GPC5: variants seen among roughly 807,000 people sequenced by gnomAD.
The protein encoded by GPC5 is glypican-5.
A neutral mutation model predicts 53.9 loss-of-function variants in GPC5; 47 were observed. That is an observed-to-expected ratio of 0.87 (90% CI 0.69 to 1.11). The LOEUF is 1.11. Ranked by LOEUF, GPC5 falls within the 50% of genes most tolerant of loss-of-function variation. The pLI is 0.00. For missense variants in GPC5, 748 were observed against 713.1 expected (o/e 1.05, Z -0.56); for synonymous variants, 286 against 263.3 (o/e 1.09, Z -0.84).
At chr13:92,473,617 G>A (rs1319934770) in intron 7 of GPC5, among the ~76,000 whole-genome samples, 3 of 152,158 alleles carry the variant, frequency 2.0e-5, no homozygotes, top group Non-Finnish European at 4.4e-5. Flanking sequence ...ATTTCAAACA[G>A]TATCTTAAAA....
chr13:92,757,326 C>T lies in GPC5; in HGVS notation c.1562-108956C>T, dbSNP rs895528578. ...CCTTCCTTACACCTTATACAAAAAT[C>T]AATTCAAGATGGATTAAAGACTTAA... On this transcript the variant is annotated intron_variant, in intron 7 of 7. Transcript: ENST00000377067. Among the ~76,000 whole-genome samples the T allele has an allele frequency of 1.1e-4, 17 of 152,156 alleles. No individual in the cohort carries two copies. The East Asian group carries it at 2.7e-3, about 24-fold the overall frequency.
At chr13:92,546,899 C>G (rs578237938) in intron 7 of GPC5, among the ~76,000 whole-genome samples, 15 of 152,068 alleles carry the variant, frequency 9.9e-5, no homozygotes, top group South Asian at 2.1e-4. Context: ...ACAAACCTGA[C>G]AAAAACAAGA....
At chr13:91,431,858 G>C (rs112831013) in intron 1 of GPC5, among the ~76,000 whole-genome samples, 2 of 152,172 alleles carry the variant, frequency 1.3e-5, no homozygotes, top group Non-Finnish European at 2.9e-5. Context: ...ATCGTTGAAG[G>C]TTTCTTTCCA....
At chr13:92,375,693 GA>G (rs1458396567) in intron 7 of GPC5, among the ~76,000 whole-genome samples, 1 of 152,180 alleles carries the variant, frequency 6.6e-6, no homozygotes, top group African/African-American at 2.4e-5. Context: ...GTCAAAAACG[GA>G]AGGCTTGGAC....
intron 5 of GPC5, among the ~76,000 whole-genome samples, chr13:91,853,349 T>C (rs984266140): frequency 6.6e-6 from 1 of 152,032 alleles, no homozygotes; most frequent in Non-Finnish European, 1.5e-5. Flanking sequence ...ATAGTTGATA[T>C]GGCAAATACA....
At chr13:91,691,561 C>G (rs2139799753) in intron 2 of GPC5, among the ~76,000 whole-genome samples, 1 of 152,244 alleles carries the variant, frequency 6.6e-6, no homozygotes, top group Admixed American at 6.5e-5. Flanking sequence ...TATACGTACT[C>G]TATTGAAACA....
At chr13:92,369,236 T>G (rs1055275179) in intron 7 of GPC5, among the ~76,000 whole-genome samples, 3 of 152,204 alleles carry the variant, frequency 2.0e-5, no homozygotes, top group African/African-American at 4.8e-5. Flanking sequence ...CAGGCTGGAG[T>G]GCAGTGGTGT....
At chr13:92,124,868 A>G (rs2041681937) in intron 6 of GPC5, among the ~76,000 whole-genome samples, 1 of 152,188 alleles carries the variant, frequency 6.6e-6, no homozygotes, top group Non-Finnish European at 1.5e-5. Context: ...CTTCTGACAC[A>G]GCTCTCATGT....
intron 7 of GPC5, among the ~76,000 whole-genome samples, chr13:92,244,971 G>A (rs1481365723): frequency 3.3e-5 from 5 of 151,258 alleles, no homozygotes; most frequent in Non-Finnish European, 7.4e-5. Flanking sequence ...CCGGGAGGTG[G>A]AGGTTGCAGT....
intron 7 of GPC5, among the ~76,000 whole-genome samples, chr13:92,793,727 A>C (rs748697891): frequency 2.6e-5 from 4 of 152,220 alleles, no homozygotes; most frequent in Non-Finnish European, 4.4e-5. Flanking sequence ...ACAGAAATAC[A>C]AACTACCATC....
chr13:91,526,918 C>A (rs1324413418), intron 2 of GPC5, among the ~76,000 whole-genome samples: 1 of 152,008 alleles, frequency 6.6e-6, no homozygotes, highest in Non-Finnish European at 1.5e-5. Context: ...CATGAGAATT[C>A]CCTCACTATC....
intron 4 of GPC5, among the ~76,000 whole-genome samples, chr13:91,751,955 G>A (rs1252220858): frequency 1.3e-5 from 2 of 152,168 alleles, no homozygotes; most frequent in Non-Finnish European, 2.9e-5. Context: ...AGACTGGGTG[G>A]CTTAAACAAC....
intron 2 of GPC5, among the ~76,000 whole-genome samples, chr13:91,492,365 T>C (rs767472416): frequency 3.3e-5 from 5 of 152,192 alleles, no homozygotes; most frequent in Non-Finnish European, 7.3e-5. Flanking sequence ...ATCTTCCTTC[T>C]GCAAGACGGA....
intron 6 of GPC5, among the ~76,000 whole-genome samples, chr13:92,063,938 G>A (rs561657776): frequency 1.3e-5 from 2 of 152,150 alleles, no homozygotes; most frequent in South Asian, 4.2e-4. Flanking sequence ...ATTTACAAGT[G>A]ACACTTTTGT....
intron 2 of GPC5, among the ~76,000 whole-genome samples, chr13:91,585,475 T>C (rs535692311): frequency 1.7e-4 from 26 of 152,320 alleles, no homozygotes; most frequent in Admixed American, 5.9e-4. Context: ...GAATGTACTG[T>C]AACTACTCTC....
intron 7 of GPC5, among the ~76,000 whole-genome samples, chr13:92,294,546 T>G (rs1419974013): frequency 6.6e-6 from 1 of 152,174 alleles, no homozygotes; most frequent in Non-Finnish European, 1.5e-5. Flanking sequence ...AGTTGTAATA[T>G]CTCCCATTTC....
chr13:92,588,102 T>C (rs1594326076), intron 7 of GPC5, among the ~76,000 whole-genome samples: 1 of 152,214 alleles, frequency 6.6e-6, no homozygotes, highest in East Asian at 1.9e-4. Flanking sequence ...CAGGCCCTGG[T>C]GTGTGATGTT....
chr13:92,709,110 C>T (rs985755410), intron 7 of GPC5, among the ~76,000 whole-genome samples: 9 of 151,126 alleles, frequency 6.0e-5, no homozygotes, highest in Non-Finnish European at 1.0e-4. Context: ...TGCAATGGCA[C>T]GATCTCAGCT....
Position 91,832,147 on chromosome 13 carries a change from A to G in GPC5, c.1280+75727A>G, listed in dbSNP as rs2038667579. On this transcript the variant is annotated intron_variant, in intron 5 of 7. Transcript: ENST00000377067. ...GCTTTTTGAATCTGGGTGCTCCTGT[A>G]TTGGGTGCATATATATTTAGGATAG... 2.0e-5 allele frequency among the ~76,000 whole-genome samples: 3 copies of G among 151,952 alleles called. 1 individual carries two copies. Among genetic ancestry groups the G allele is most frequent in the Non-Finnish European group, 4.4e-5 (3 of 67,960 alleles).
Sources: gnomAD v4.1 joint callset for allele counts (sites outside exome capture counted in the v4.1 genomes callset) on GRCh38, gnomAD v4.1.1 for gene constraint, MANE v1.5 for transcripts, NCBI Gene and HGNC (gene_info 2026-07-23, HGNC 2026-07-21) for gene names.